SULT1C3: variants seen among roughly 807,000 people sequenced by gnomAD.
The protein encoded by SULT1C3 is sulfotransferase 1C3.
SULT1C3 carries 31 observed loss-of-function variants against 28.4 expected under a neutral mutation model. The ratio of observed to expected loss-of-function variants is 1.09; its 90% CI spans 0.82 to 1.47. The LOEUF is 1.47. Among genes scored for constraint, SULT1C3 ranks in the 40% most tolerant of loss-of-function variants. SULT1C3 has a pLI of 0.00. For synonymous variants in SULT1C3, 106 were observed against 92.2 expected (o/e 1.15, Z -0.86); for missense variants, 307 against 272.5 (o/e 1.13, Z -0.89).
At chr2:108,254,789 A>ATGTATGTATGCATATATATGTATATATG (rs1368705436) in intron 4 of SULT1C3, among the ~76,000 whole-genome samples, 4 of 151,174 alleles carry the variant, frequency 2.6e-5, no homozygotes, top group Non-Finnish European at 5.9e-5. Context: ...ATATGTATAT[A>ATGTATGTATGCATATATATGTATATATG]TGTATGTATG....
At chr2:108,246,356 G>A (rs1675575799) in intron 1 of SULT1C3, among the ~76,000 whole-genome samples, 1 of 152,148 alleles carries the variant, frequency 6.6e-6, no homozygotes, top group African/African-American at 2.4e-5. Context: ...ACATACCTGA[G>A]ACTGGGCAAT....
intron 4 of SULT1C3, among the ~76,000 whole-genome samples, chr2:108,255,025 C>A (rs1675834778): frequency 6.6e-6 from 1 of 151,910 alleles, no homozygotes; most frequent in African/African-American, 2.4e-5. Flanking sequence ...CTCTGAAGGT[C>A]ATTTACTTCT....
chr2:108,261,387 A>C (rs1676024679), downstream of SULT1C3, among the ~76,000 whole-genome samples: 1 of 152,168 alleles, frequency 6.6e-6, no homozygotes. Context: ...ATGACTATGC[A>C]TTGCCATTCT....
At chr2:108,264,015 T>C (rs1005919530), downstream of SULT1C3, among the ~76,000 whole-genome samples, 4 of 152,200 alleles carry the variant, frequency 2.6e-5, no homozygotes, top group South Asian at 2.1e-4. Context: ...AAAGTGTACA[T>C]AGTTGTGTTC....
chr2:108,247,052 T>TTGTTAGCA (rs1675599073), intron 1 of SULT1C3, 136 bp from the exon 2 acceptor site: 1 of 550,246 alleles, frequency 1.8e-6, no homozygotes, highest in Admixed American at 4.3e-5. Flanking sequence ...ATAGAGTAAG[T>TTGTTAGCA]TGTTAGCATG....
downstream of SULT1C3, among the ~76,000 whole-genome samples, chr2:108,263,207 A>G (rs541811257): frequency 6.6e-6 from 1 of 151,258 alleles, no homozygotes; most frequent in Admixed American, 6.6e-5. Context: ...CAGAGCCCCA[A>G]TAAAACTTAT....
intron 2 of SULT1C3, among the ~76,000 whole-genome samples, chr2:108,250,220 C>T (rs1675695429): frequency 6.7e-6 from 1 of 149,886 alleles, no homozygotes; most frequent in South Asian, 2.1e-4. Flanking sequence ...ACTGTTACAA[C>T]TAAGAACAAA....
intron 1 of SULT1C3, among the ~76,000 whole-genome samples, chr2:108,242,391 G>A (rs113962231): frequency 1.4e-4 from 22 of 152,286 alleles, no homozygotes; most frequent in African/African-American, 5.1e-4. Flanking sequence ...TTAGGGTGGA[G>A]CCCTTGGAGG....
intron 2 of SULT1C3, among the ~76,000 whole-genome samples, chr2:108,248,038 A>T (rs1675630482): frequency 6.6e-6 from 1 of 152,216 alleles, no homozygotes; most frequent in Non-Finnish European, 1.5e-5. Flanking sequence ...TGCAAGGGGA[A>T]TGTACTACAT....
At position 108,247,223 on chromosome 2, in the gene SULT1C3, C is replaced by A; in HGVS notation, c.29C>A (p.Thr10Lys). The A allele has an allele frequency of 6.5e-7, 1 of 1,537,582 alleles. No homozygotes were observed. The highest frequency in any genetic ancestry group is 1.3e-5 in the South Asian group (1 of 77,046). ...GCGAAGATTGAGAAAAACGCTCCCA[C>A]GATGGAAAAAAAGCCAGAACTGTTT... MAKIEKNAP[T>K]MEKKPELFNI... The change falls in exon 2 of 8, where the codon ACG (threonine) becomes AAG (lysine). Residue 10 changes from threonine (T) to lysine (K), a missense_variant. Coordinates refer to ENST00000681802, the MANE Select transcript of SULT1C3 (RefSeq NM_001320878.2).
chr2:108,241,597 C>G (rs138841698), intron 1 of SULT1C3, among the ~76,000 whole-genome samples: 1 of 152,162 alleles, frequency 6.6e-6, no homozygotes, highest in Non-Finnish European at 1.5e-5. Context: ...AAACAATTGT[C>G]TGTGAATGAC....
chr2:108,240,457 A>G (rs571854919), intron 1 of SULT1C3, among the ~76,000 whole-genome samples: 1 of 152,310 alleles, frequency 6.6e-6, no homozygotes, highest in Admixed American at 6.5e-5. Context: ...GATAATTTCC[A>G]TCTAAAATTT....
intron 1 of SULT1C3, among the ~76,000 whole-genome samples, chr2:108,240,353 T>C (rs577774866): frequency 6.6e-6 from 1 of 152,342 alleles, no homozygotes; most frequent in African/African-American, 2.4e-5. Flanking sequence ...AGATGCTAAA[T>C]GCATTCAATA....
At chr2:108,254,134 C>T (rs1286141659) in intron 4 of SULT1C3, among the ~76,000 whole-genome samples, 1 of 151,984 alleles carries the variant, frequency 6.6e-6, no homozygotes, top group Non-Finnish European at 1.5e-5. Flanking sequence ...ATAAACACTT[C>T]CACAGGTGGA....
chr2:108,252,363 A>G lies in SULT1C3; in HGVS notation c.173-2A>G. On this transcript the variant is annotated splice_acceptor_variant, in intron 2 of 7. Transcript: ENST00000681802. LOFTEE classifies it high-confidence loss of function. ...TTAAAGAACTATTTCAAATATTTTC[A>G]GGTACAACATGGATGCATGAAATTT... The G allele has an allele frequency of 6.3e-7, 1 of 1,595,102 alleles. No individual in the cohort carries two copies. Among genetic ancestry groups the G allele is most frequent in the East Asian group, 2.2e-5 (1 of 44,614 alleles).
At chr2:108,249,876 T>C (rs1046842755) in intron 2 of SULT1C3, among the ~76,000 whole-genome samples, 7 of 152,034 alleles carry the variant, frequency 4.6e-5, no homozygotes, top group Non-Finnish European at 8.8e-5. Flanking sequence ...ATATTGTTGA[T>C]AGACATAAAT....
At chr2:108,245,631 T>C (rs922905639) in intron 1 of SULT1C3, among the ~76,000 whole-genome samples, 1 of 152,130 alleles carries the variant, frequency 6.6e-6, no homozygotes, top group African/African-American at 2.4e-5. Flanking sequence ...GACCCTAGGC[T>C]GCACACAACG....
downstream of SULT1C3, chr2:108,265,157 C>G (rs1236321691): frequency 1.5e-5 from 22 of 1,453,566 alleles, no homozygotes; most frequent in Non-Finnish European, 2.0e-5. Flanking sequence ...TGTTTCTCCT[C>G]ATTCTTGGTG....
chr2:108,255,490 C>A, intron 4 of SULT1C3, 82 bp from the exon 5 acceptor site: 1 of 1,470,760 alleles, frequency 6.8e-7, no homozygotes, highest in Non-Finnish European at 9.3e-7. Context: ...ATATGGTTAC[C>A]ATTGTATTGA....
Sources: gnomAD v4.1 joint callset for allele counts (sites outside exome capture counted in the v4.1 genomes callset) on GRCh38, gnomAD v4.1.1 for gene constraint, MANE v1.5 for transcripts, NCBI Gene and HGNC (gene_info 2026-07-23, HGNC 2026-07-21) for gene names.